The following FAXC variants were observed in gnomAD, a reference collection of about 807,000 sequenced individuals.
FAXC encodes the protein failed axon connections homolog.
In FAXC, 10 loss-of-function variants were observed where a neutral mutation model predicts 41.9. The ratio of observed to expected loss-of-function variants is 0.24; its 90% CI spans 0.15 to 0.41. FAXC has a LOEUF of 0.41. Ranked by LOEUF, FAXC falls within the 10% of genes least tolerant of loss-of-function variation. The probability of loss-of-function intolerance (pLI) is 1.00; values close to 1 mark genes in which losing one functional copy is unlikely to be tolerated. For synonymous variants in FAXC, 183 were observed against 183.8 expected, an observed-to-expected ratio of 1.00 and a Z score of 0.03; for missense variants, 399 against 510.9, an observed-to-expected ratio of 0.78 and a Z score of 2.11.
chr6:99,334,128 G>T (rs894829808), intron 2 of FAXC, among the ~76,000 whole-genome samples: 1 of 152,172 alleles, frequency 6.6e-6, no homozygotes, highest in Non-Finnish European at 1.5e-5. Context: ...CCCCAGCCTG[G>T]ACTACTGGAT....
rs551414943 is a variant in FAXC at position 99,342,806 on chromosome 6, C to T, written c.402+92G>A. The T allele has an allele frequency of 4.0e-6, 5 of 1,259,450 alleles. No individual in the cohort carries two copies. The South Asian group carries it at 6.2e-5, about 16-fold the overall frequency. 78.0% of individuals were successfully genotyped at this position (1,259,450 alleles called of 1,614,324 possible). On this transcript the variant is annotated intron_variant, in intron 2 of 5. Coordinates refer to ENST00000389677, the MANE Select transcript of FAXC (RefSeq NM_032511.4). ...TTCAGCTCCCATCCCCTCTGGCATC[C>T]ACTGTGTGAGACGAAATATTCCCCC... is the stretch of plus-strand genomic sequence containing the variant.
chr6:99,325,743 C>A (rs1299371003), intron 3 of FAXC, among the ~76,000 whole-genome samples: 1 of 152,136 alleles, frequency 6.6e-6, no homozygotes, highest in African/African-American at 2.4e-5. Context: ...AAAAAAGTTA[C>A]ACAACCTTTT....
intron 3 of FAXC, among the ~76,000 whole-genome samples, chr6:99,329,938 G>A (rs577076987): frequency 9.9e-5 from 15 of 151,156 alleles, no homozygotes; most frequent in East Asian, 5.9e-4. Flanking sequence ...TCACTCTGTC[G>A]CCCAGGATGT....
chr6:99,277,222 G>C lies in FAXC; in HGVS notation c.*3942C>G, dbSNP rs972828199. 6.6e-6 allele frequency: 1 copy of C among 152,432 alleles called. No individual in the cohort carries two copies. The highest frequency in any genetic ancestry group is 2.4e-5 in the African/African-American group (1 of 41,464). The allele number at this position is 152,432 out of a possible 1,614,324, so 9.4% of individuals were successfully genotyped here. ...AAAGGTGAAAACACCAGACCCTAAG[G>C]AGTAGCCCCTCACCCTGAGGCAATG... On this transcript the variant is annotated 3_prime_UTR_variant, in exon 6 of 6. Transcript: ENST00000389677.
intron 3 of FAXC, among the ~76,000 whole-genome samples, chr6:99,328,595 G>A (rs1027042855): frequency 6.6e-6 from 1 of 152,146 alleles, no homozygotes; most frequent in South Asian, 2.1e-4. Context: ...CTCTAAACTT[G>A]TGCAGATGTT....
intron 5 of FAXC, among the ~76,000 whole-genome samples, chr6:99,290,136 CAT>C (rs1554198178): frequency 4.6e-5 from 7 of 150,554 alleles, no homozygotes; most frequent in Admixed American, 2.0e-4. Flanking sequence ...CACACACACA[CAT>C]ACACACACCC....
intron 1 of FAXC, among the ~76,000 whole-genome samples, chr6:99,343,523 G>A (rs548832924): frequency 5.3e-5 from 8 of 152,212 alleles, no homozygotes; most frequent in East Asian, 1.9e-4. Flanking sequence ...TGTTATCCAC[G>A]TTTTATAGAT....
intron 5 of FAXC, among the ~76,000 whole-genome samples, chr6:99,284,554 AGTGTCTGT>A (rs1477059617): frequency 7.1e-4 from 74 of 104,562 alleles, no homozygotes; most frequent in African/African-American, 2.7e-3. Flanking sequence ...GGTTGTGTGG[AGTGTCTGT>A]GTGTGTGTGT....
At chr6:99,288,347 T>G (rs938151214) in intron 5 of FAXC, among the ~76,000 whole-genome samples, 2 of 152,170 alleles carry the variant, frequency 1.3e-5, no homozygotes, top group East Asian at 1.9e-4. Context: ...AGTGAGTGTG[T>G]GGGGGGTTGT....
At chr6:99,294,077 T>C (rs1419552112) in intron 4 of FAXC, among the ~76,000 whole-genome samples, 8 of 152,158 alleles carry the variant, frequency 5.3e-5, no homozygotes, top group Non-Finnish European at 1.0e-4. Flanking sequence ...GGCAATATGC[T>C]GAACCTAACC....
chr6:99,272,146 ATG>A lies in FAXC; in HGVS notation c.*9016_*9017del, dbSNP rs10527054. On this transcript the variant is annotated 3_prime_UTR_variant, in exon 6 of 6. Coordinates refer to ENST00000389677, the MANE Select transcript of FAXC (RefSeq NM_032511.4). ...AGGTATGAAAACTAATTGAGACTAT[ATG>A]TGTGTGTGTGTGTGTGTGTGTGTGT... 8.7e-3 allele frequency: 1,245 copies of A among 143,888 alleles called. 11 individuals are homozygous for A. Among genetic ancestry groups the A allele is most frequent in the East Asian group, 0.017 (76 of 4,478 alleles). The allele number at this position is 143,888 out of a possible 1,614,324, so 8.9% of individuals were successfully genotyped here.
In FAXC at chr6:99,329,767, T is replaced by C. The variant is rs183829141; in HGVS notation, c.599+3584A>G. On this transcript the variant is annotated intron_variant, in intron 3 of 5. Transcript: ENST00000389677. ...AGTCAATTTATGAAACTATCCCATC[T>C]TCCCCCATCTCCTGAACTACACTCA... 1.3e-4 allele frequency among the ~76,000 whole-genome samples: 19 copies of C among 151,984 alleles called. No individual in the cohort carries two copies. In the East Asian group the frequency reaches 3.7e-3, roughly 30 times the overall value.
In FAXC at chr6:99,274,906, AGAG is replaced by A. The variant is rs1770545567; in HGVS notation, c.*6255_*6257del. 1 of 152,222 alleles carries A rather than the reference AGAG, an allele frequency of 6.6e-6. No homozygotes were observed. The highest frequency in any genetic ancestry group is 2.1e-4 in the South Asian group (1 of 4,830). The allele number at this position is 152,222 out of a possible 1,614,324, so 9.4% of individuals were successfully genotyped here. On this transcript the variant is annotated 3_prime_UTR_variant, in exon 6 of 6. Transcript: ENST00000389677. ...AGGAAAGTCATTGATTATTTTTTAA[AGAG>A]GAGGAAGACAGTAAATATTCAGAGC...
At chr6:99,314,037 TG>T (rs1391399103) in intron 4 of FAXC, among the ~76,000 whole-genome samples, 1 of 152,178 alleles carries the variant, frequency 6.6e-6, no homozygotes, top group African/African-American at 2.4e-5. Flanking sequence ...TTGCTCAGGC[TG>T]GGGTGCAGTG....
chr6:99,331,723 G>C (rs551837558), intron 3 of FAXC, among the ~76,000 whole-genome samples: 4 of 152,326 alleles, frequency 2.6e-5, no homozygotes, highest in African/African-American at 9.6e-5. Flanking sequence ...GTAGTGCCTT[G>C]GAGGGCCTCT....
intron 5 of FAXC, among the ~76,000 whole-genome samples, chr6:99,288,069 A>G (rs913087521): frequency 1.3e-5 from 2 of 152,222 alleles, no homozygotes; most frequent in African/African-American, 4.8e-5. Flanking sequence ...CAAAAGGCTG[A>G]TCATTTCTTT....
intron 3 of FAXC, among the ~76,000 whole-genome samples, chr6:99,331,432 G>GA (rs1361746850): frequency 6.6e-6 from 1 of 152,164 alleles, no homozygotes; most frequent in African/African-American, 2.4e-5. Context: ...CGGGGCTGGT[G>GA]AAGGAAGAGA....
At chr6:99,320,757 T>C (rs1457850932) in intron 4 of FAXC, among the ~76,000 whole-genome samples, 1 of 152,206 alleles carries the variant, frequency 6.6e-6, no homozygotes, top group African/African-American at 2.4e-5. Context: ...TTCTCATGAT[T>C]TTCCCAAAAA....
At chr6:99,297,908 G>A (rs1056784671) in intron 4 of FAXC, among the ~76,000 whole-genome samples, 3 of 152,182 alleles carry the variant, frequency 2.0e-5, no homozygotes, top group Non-Finnish European at 4.4e-5. Context: ...CCAGAGGGGC[G>A]AATTGCTTAG....
Sources: allele counts gnomAD v4.1 joint callset (sites outside exome capture counted in the v4.1 genomes callset), GRCh38; gene constraint gnomAD v4.1.1; transcripts MANE v1.5; gene names NCBI Gene and HGNC (gene_info 2026-07-23, HGNC 2026-07-21).